Variants in ADAMTS9 observed in about 807,000 individuals in gnomAD.
ADAMTS9 encodes A disintegrin and metalloproteinase with thrombospondin motifs 9.
ADAMTS9 carries 107 observed loss-of-function variants against 257.1 expected under a neutral mutation model. The observed-to-expected ratio is 0.42, with a 90% CI of 0.36 to 0.49. The LOEUF (loss-of-function observed/expected upper bound fraction) is 0.49, where lower values mean the gene tolerates loss of function less well. Among genes scored for constraint, ADAMTS9 ranks in the 20% least tolerant of loss-of-function variants. ADAMTS9 has a pLI of 0.03. For missense variants in ADAMTS9, 2,353 were observed against 2,469.1 expected, an observed-to-expected ratio of 0.95 and a Z score of 1.00; for synonymous variants, 982 against 880.9, an observed-to-expected ratio of 1.11 and a Z score of -2.03.
rs753315457 is a variant in ADAMTS9, at chr3:64,621,148, T to C, written c.2779A>G (p.Ile927Val). ...CAGTCTGTACCACAGGGTTCAGTAA[T>C]GTGTCCAGGCTGGGGCAGCCGATCG... ...RCDRLPQPGH[I>V]TEPCGTDCDL... The change falls in exon 19 of 40, where the codon ATT (isoleucine) becomes GTT (valine). Residue 927 changes from isoleucine (I) to valine (V), a missense_variant. Physicochemically the swap from Ile to Val is conservative, Grantham distance 29. Around this residue, in one of 3 missense-constraint regions of ADAMTS9, gnomAD observed 1,402 missense variants for 1,441.4 expected, o/e 0.97. Coordinates refer to ENST00000498707, the MANE Select transcript of ADAMTS9 (RefSeq NM_182920.2). 3 of 1,613,880 alleles carry C rather than the reference T, an allele frequency of 1.9e-6. No individual in the cohort carries two copies. The highest frequency in any genetic ancestry group is 2.5e-6 in the Non-Finnish European group (3 of 1,179,876).
intron 25 of ADAMTS9, 88 bp downstream of exon 25, chr3:64,603,833 AT>A: frequency 1.4e-6 from 2 of 1,403,280 alleles, no homozygotes; most frequent in Admixed American, 1.9e-5. Flanking sequence ...ACCCATTGAC[AT>A]TTCCAAGTGG....
At chr3:64,669,568 A>G (rs947047505) in intron 3 of ADAMTS9, among the ~76,000 whole-genome samples, 34 of 152,202 alleles carry the variant, frequency 2.2e-4, no homozygotes, top group African/African-American at 7.7e-4. Flanking sequence ...AAATTTATGA[A>G]TTCTTATATT....
At chr3:64,560,106 C>T (rs919624749) in intron 30 of ADAMTS9, among the ~76,000 whole-genome samples, 1 of 152,162 alleles carries the variant, frequency 6.6e-6, no homozygotes, top group Non-Finnish European at 1.5e-5. Context: ...TTATTTTATC[C>T]CCATTCTACA....
chr3:64,633,852 T>A lies in ADAMTS9; in HGVS notation c.1884A>T (p.Val628=), dbSNP rs200504406. The part of the protein sequence containing the change: ...PEPKNGGKYC[V]GRRMKFKSCN... ...AGGACTTAAATTTCATTCTACGTCC[T>A]ACACAGTATTTTCCACCATTTTTTG... The change falls in exon 13 of 40, where the codon GTA becomes GTT. Residue 628 remains valine, a synonymous_variant. Coordinates refer to ENST00000498707, the MANE Select transcript of ADAMTS9 (RefSeq NM_182920.2). 27 of 1,613,294 alleles carry A rather than the reference T, an allele frequency of 1.7e-5. No individual in the cohort carries two copies. The highest frequency in any genetic ancestry group is 2.3e-5 in the Non-Finnish European group (27 of 1,179,840).
intron 9 of ADAMTS9, chr3:64,650,464 G>A (rs2106945218): frequency 6.5e-6 from 1 of 154,234 alleles, no homozygotes; most frequent in South Asian, 2.0e-4. Flanking sequence ...AGCCTAGCAG[G>A]AAGCTTAAAA....
At chr3:64,566,025 A>G (rs1253643361) in intron 29 of ADAMTS9, among the ~76,000 whole-genome samples, 1 of 152,172 alleles carries the variant, frequency 6.6e-6, no homozygotes, top group Non-Finnish European at 1.5e-5. Context: ...TTATCATCAG[A>G]CCTTTCGATG....
intron 15 of ADAMTS9, 68 bp downstream of exon 15, chr3:64,631,740 A>C: frequency 7.1e-7 from 1 of 1,401,992 alleles, no homozygotes; most frequent in Non-Finnish European, 1.0e-6. Flanking sequence ...TTTGCATATT[A>C]CATGTGGTTA....
At chr3:64,609,663 C>A (rs1440580272) in intron 22 of ADAMTS9, among the ~76,000 whole-genome samples, 1 of 152,152 alleles carries the variant, frequency 6.6e-6, no homozygotes, top group Non-Finnish European at 1.5e-5. Flanking sequence ...TATTACATGT[C>A]TATGGATTAA....
intron 11 of ADAMTS9, among the ~76,000 whole-genome samples, chr3:64,646,107 A>T (rs141148993): frequency 6.6e-6 from 1 of 152,218 alleles, no homozygotes; most frequent in Non-Finnish European, 1.5e-5. Flanking sequence ...AACATGTGTC[A>T]GAAATAGACA....
chr3:64,682,602 T>A (rs1365317081), intron 2 of ADAMTS9, among the ~76,000 whole-genome samples: 6 of 152,070 alleles, frequency 3.9e-5, no homozygotes, highest in Non-Finnish European at 7.4e-5. Flanking sequence ...TTTCCCGTGC[T>A]GGAAAAAAAA....
At chr3:64,639,599 T>C (rs1700589340) in intron 12 of ADAMTS9, among the ~76,000 whole-genome samples, 1 of 152,186 alleles carries the variant, frequency 6.6e-6, no homozygotes, top group Non-Finnish European at 1.5e-5. Context: ...TTGAATGGAA[T>C]ATCCTTGAGT....
In ADAMTS9 at chr3:64,647,967, G is replaced by C; in HGVS notation, c.1683C>G (p.Ala561=). ...TTCCAGGCTCGCACTCCGTCCCATC[G>C]GCCCAGGGTGTGTGCTGAGTCCGGC... ...KGCRTQHTPW[A]DGTECEPGKH... is the part of the protein sequence containing the mutation. The change falls in exon 11 of 40, where the codon GCC becomes GCG. Residue 561 remains alanine, a synonymous_variant. Coordinates refer to ENST00000498707, the MANE Select transcript of ADAMTS9 (RefSeq NM_182920.2). The C allele has an allele frequency of 6.2e-7, 1 of 1,613,812 alleles. No individual in the cohort carries two copies. Among genetic ancestry groups the C allele is most frequent in the Non-Finnish European group, 8.5e-7 (1 of 1,179,938 alleles).
At chr3:64,522,413 C>T in intron 38 of ADAMTS9, 153 bp from the exon 39 acceptor site, 1 of 567,428 alleles carries the variant, frequency 1.8e-6, no homozygotes, top group Admixed American at 3.3e-5. Flanking sequence ...AAAGCAGGGG[C>T]TGGCAAACTT....
At chr3:64,586,408 G>C (rs2084154495) in intron 28 of ADAMTS9, among the ~76,000 whole-genome samples, 1 of 152,112 alleles carries the variant, frequency 6.6e-6, no homozygotes, top group African/African-American at 2.4e-5. Context: ...CACTGTCTGA[G>C]ATATTTCAGA....
At chr3:64,542,633 T>C (rs913962483) in intron 32 of ADAMTS9, among the ~76,000 whole-genome samples, 1 of 152,044 alleles carries the variant, frequency 6.6e-6, no homozygotes, top group Admixed American at 6.6e-5. Flanking sequence ...GAGGGAAATA[T>C]ATAGTACTAA....
At chr3:64,550,676 G>A in intron 31 of ADAMTS9, 2 of 578,806 alleles carry the variant, frequency 3.5e-6, no homozygotes, top group South Asian at 2.3e-5. Context: ...GACCTGAAGG[G>A]ACTTAGAGAC....
intron 2 of ADAMTS9, among the ~76,000 whole-genome samples, chr3:64,683,497 T>C: frequency 6.6e-6 from 1 of 152,296 alleles, no homozygotes; most frequent in South Asian, 2.1e-4. Context: ...CTTGAGCAAG[T>C]CTCCAGCTCT....
At chr3:64,644,958 A>G (rs1423922784) in intron 11 of ADAMTS9, among the ~76,000 whole-genome samples, 1 of 152,206 alleles carries the variant, frequency 6.6e-6, no homozygotes, top group Non-Finnish European at 1.5e-5. Context: ...GAAATTAAAT[A>G]TTTCTCAGTA....
chr3:64,631,320 T>C (rs1187975166), intron 16 of ADAMTS9, 135 bp downstream of exon 16: 3 of 709,200 alleles, frequency 4.2e-6, no homozygotes, highest in Non-Finnish European at 4.9e-6. Context: ...ATGGTGAATT[T>C]TGAGAGCCAC....
Sources: gnomAD v4.1 joint callset for allele counts (sites outside exome capture counted in the v4.1 genomes callset) on GRCh38, gnomAD v4.1.1 for gene constraint, gnomAD v4.1.1 regional missense constraint, MANE v1.5 for transcripts, NCBI Gene and HGNC (gene_info 2026-07-23, HGNC 2026-07-21) for gene names.